Variants in SOX6 observed in about 807,000 individuals in gnomAD.
The protein encoded by SOX6 is SRY-box transcription factor 6, also known as transcription factor SOX-6.
Under a neutral mutation model 97.8 loss-of-function variants are expected in SOX6, and 11 were observed. The ratio of observed to expected loss-of-function variants is 0.11; its 90% confidence interval spans 0.07 to 0.19. The LOEUF is 0.19. SOX6 is among the 10% of genes least tolerant of loss of function. The pLI is 1.00. For missense variants in SOX6, 810 were observed against 1,039.5 expected, an observed-to-expected ratio of 0.78 and a Z score of 3.04; for synonymous variants, 360 against 371.4, an observed-to-expected ratio of 0.97 and a Z score of 0.35.
chr11:16,001,145 G>A (rs192980127), intron 13 of SOX6, among the ~76,000 whole-genome samples: 49 of 152,178 alleles, frequency 3.2e-4, no homozygotes, highest in Non-Finnish European at 5.4e-4. Context: ...GATTACAGAC[G>A]TGAGCCACTG....
At chr11:16,522,384 T>C (rs1346686797) in intron 4 of SOX6, among the ~76,000 whole-genome samples, 3 of 151,878 alleles carry the variant, frequency 2.0e-5, no homozygotes, top group Non-Finnish European at 4.4e-5. Flanking sequence ...CAAACTAAGC[T>C]TCATAAGTGA....
intron 6 of SOX6, among the ~76,000 whole-genome samples, chr11:16,118,184 C>T (rs1458515967): frequency 1.3e-5 from 2 of 152,160 alleles, no homozygotes; most frequent in East Asian, 1.9e-4. Flanking sequence ...ACCAAGTAAC[C>T]GGAAACCCCA....
chr11:15,978,196 C>T (rs1853549218), intron 15 of SOX6, among the ~76,000 whole-genome samples: 1 of 152,100 alleles, frequency 6.6e-6, no homozygotes, highest in South Asian at 2.1e-4. Context: ...ACATCTCCCC[C>T]TCCAGCTCTT....
intron 3 of SOX6, among the ~76,000 whole-genome samples, chr11:16,657,871 C>G (rs1847735669): frequency 6.6e-6 from 1 of 152,096 alleles, no homozygotes; most frequent in South Asian, 2.1e-4. Context: ...TATGAAGGTT[C>G]TGCAACATGC....
intron 1 of SOX6, among the ~76,000 whole-genome samples, chr11:16,389,303 A>C (rs909865409): frequency 6.6e-6 from 1 of 152,114 alleles, no homozygotes; most frequent in East Asian, 1.9e-4. Flanking sequence ...TTGGTCTCAA[A>C]CTTACTAGTC....
intron 4 of SOX6, among the ~76,000 whole-genome samples, chr11:16,188,458 T>A (rs940770042): frequency 6.6e-6 from 1 of 152,104 alleles, no homozygotes; most frequent in African/African-American, 2.4e-5. Context: ...GAATTTCATC[T>A]TGGTAAAAGG....
At chr11:16,566,249 T>C (rs1847873363) in intron 4 of SOX6, among the ~76,000 whole-genome samples, 2 of 152,120 alleles carry the variant, frequency 1.3e-5, no homozygotes, top group South Asian at 4.1e-4. Context: ...TCACCTAAAG[T>C]GCTACAGCAG....
intron 12 of SOX6, among the ~76,000 whole-genome samples, chr11:16,035,864 A>C (rs1855504964): frequency 6.6e-6 from 1 of 152,142 alleles, no homozygotes; most frequent in Non-Finnish European, 1.5e-5. Context: ...ATGATGCCTT[A>C]GGGTCACCAC....
chr11:16,268,640 T>C (rs1196762758), intron 3 of SOX6, among the ~76,000 whole-genome samples: 2 of 151,224 alleles, frequency 1.3e-5, no homozygotes, highest in Non-Finnish European at 3.0e-5. Flanking sequence ...AACACCCCTT[T>C]CTTAATATCT....
chr11:16,155,595 T>C (rs1276660196), intron 6 of SOX6, among the ~76,000 whole-genome samples: 4 of 152,172 alleles, frequency 2.6e-5, no homozygotes, highest in African/African-American at 7.2e-5. Context: ...AATTGAGTAA[T>C]ATAATACATA....
chr11:16,193,338 C>A (rs1851681269), intron 4 of SOX6, among the ~76,000 whole-genome samples: 1 of 151,876 alleles, frequency 6.6e-6, no homozygotes, highest in Admixed American at 6.6e-5. Flanking sequence ...CATCGCTGCA[C>A]CCCAGTCTGG....
chr11:16,135,785 T>C (rs554172962), intron 6 of SOX6, among the ~76,000 whole-genome samples: 1 of 152,336 alleles, frequency 6.6e-6, no homozygotes, highest in South Asian at 2.1e-4. Flanking sequence ...ATAAAGCATG[T>C]AAGGCTTTGA....
chr11:16,149,329 C>T (rs1235975022), intron 6 of SOX6, among the ~76,000 whole-genome samples: 2 of 152,026 alleles, frequency 1.3e-5, no homozygotes, highest in Non-Finnish European at 2.9e-5. Flanking sequence ...ACAGTAATTT[C>T]CTTGGCAGCT....
intron 3 of SOX6, among the ~76,000 whole-genome samples, chr11:16,615,063 T>C (rs1848455233): frequency 6.6e-6 from 1 of 152,226 alleles, no homozygotes; most frequent in Non-Finnish European, 1.5e-5. Context: ...CCCCACTCCC[T>C]GTTTCATGCC....
chr11:16,643,931 T>C (rs989818672), intron 3 of SOX6, among the ~76,000 whole-genome samples: 38 of 152,226 alleles, frequency 2.5e-4, no homozygotes, highest in African/African-American at 8.2e-4. Flanking sequence ...ACCCACTGTC[T>C]GACACTCCCC....
At chr11:16,484,092 C>T (rs746235436) in intron 4 of SOX6, 135 of 769,944 alleles carry the variant, frequency 1.8e-4, no homozygotes, top group Non-Finnish European at 3.0e-4. Context: ...CTTAACTTCT[C>T]CTGAATGAGG....
chr11:16,084,487 T>A (rs969100589), intron 9 of SOX6, among the ~76,000 whole-genome samples: 1 of 152,038 alleles, frequency 6.6e-6, no homozygotes, highest in South Asian at 2.1e-4. Context: ...CAGCAGACAC[T>A]GTACTAAGCA....
intron 1 of SOX6, among the ~76,000 whole-genome samples, chr11:16,470,666 T>A (rs1023738767): frequency 6.6e-6 from 1 of 152,074 alleles, no homozygotes; most frequent in Non-Finnish European, 1.5e-5. Context: ...ACTGAGATAG[T>A]GATCAAAAAC....
chr11:16,623,133 A>C (rs55941903), intron 3 of SOX6, among the ~76,000 whole-genome samples: 50,624 of 151,346 alleles, frequency 0.33, 9,391 homozygotes, highest in Non-Finnish European at 0.42. Flanking sequence ...CAGTTCTCCC[A>C]CCTCAGCCTC....
Sources: gnomAD v4.1 joint callset for allele counts (sites outside exome capture counted in the v4.1 genomes callset) on GRCh38, gnomAD v4.1.1 for gene constraint, MANE v1.5 for transcripts, NCBI Gene and HGNC (gene_info 2026-07-23, HGNC 2026-07-21) for gene names.